DMTF1: variants seen among roughly 807,000 people sequenced by gnomAD.
DMTF1 encodes cyclin-D-binding Myb-like transcription factor 1.
Under a neutral mutation model 91.1 loss-of-function variants are expected in DMTF1, and 39 were observed. The ratio of observed to expected loss-of-function variants is 0.43; its 90% CI spans 0.33 to 0.56. DMTF1 has a LOEUF of 0.56. DMTF1 is among the 20% of genes least tolerant of loss of function. The pLI is 0.05. For synonymous variants in DMTF1, 338 were observed against 309.5 expected (o/e 1.09, Z -0.97); for missense variants, 750 against 914.5 (o/e 0.82, Z 2.32).
intron 1 of DMTF1, among the ~76,000 whole-genome samples, chr7:87,159,461 GT>G (rs1204301512): frequency 6.6e-6 from 1 of 152,018 alleles, no homozygotes; most frequent in Non-Finnish European, 1.5e-5. Flanking sequence ...ATCGTCCATG[GT>G]TTTCCTAACT....
At chr7:87,180,960 A>G (rs1282669630) in intron 8 of DMTF1, among the ~76,000 whole-genome samples, 4 of 146,026 alleles carry the variant, frequency 2.7e-5, no homozygotes, top group Non-Finnish European at 4.4e-5. Flanking sequence ...AGTTCAAGCT[A>G]TTCTCCTGCC....
chr7:87,191,382 G>T (rs1246198890), intron 14 of DMTF1, among the ~76,000 whole-genome samples: 1 of 152,088 alleles, frequency 6.6e-6, no homozygotes. Context: ...AGCCACTGGG[G>T]ATACAAAATG....
At chr7:87,167,715 T>C in intron 4 of DMTF1, among the ~76,000 whole-genome samples, 2 of 152,232 alleles carry the variant, frequency 1.3e-5, no homozygotes, top group East Asian at 3.8e-4. Flanking sequence ...AGTTGTGGCA[T>C]AGACAAGCAT....
Position 87,195,236 on chromosome 7 carries a change from T to G in DMTF1, c.*96T>G. 2 of 837,498 alleles carry G rather than the reference T, an allele frequency of 2.4e-6. No individual in the cohort carries two copies. The highest frequency in any genetic ancestry group is 3.8e-6 in the Non-Finnish European group (2 of 525,534). 51.9% of individuals were successfully genotyped at this position (837,498 alleles called of 1,614,324 possible). ...GGAGCAACCCCCAAGAGGCTTAATT[T>G]ACCAATTTAAATAGCCACAGTCCTT... On this transcript the variant is annotated 3_prime_UTR_variant, in exon 18 of 18. Coordinates refer to ENST00000331242, the MANE Select transcript of DMTF1 (RefSeq NM_001142327.2).
intron 9 of DMTF1, 143 bp downstream of exon 9, chr7:87,181,484 A>G (rs2129146120): frequency 2.1e-6 from 1 of 470,006 alleles, no homozygotes; most frequent in South Asian, 2.7e-5. Flanking sequence ...TAAAAAGATC[A>G]CATCAAATCC....
intron 1 of DMTF1, chr7:87,162,810 T>C (rs1219848825): frequency 1.1e-5 from 1 of 89,520 alleles, no homozygotes; most frequent in African/African-American, 4.2e-5. Context: ...CCTCAAATCA[T>C]GTGCTTTTTT....
intron 5 of DMTF1, among the ~76,000 whole-genome samples, chr7:87,171,415 C>T (rs533474484): frequency 1.3e-5 from 2 of 152,226 alleles, no homozygotes; most frequent in South Asian, 4.1e-4. Flanking sequence ...TGAAAGTCAG[C>T]ATAGTTAAAA....
intron 9 of DMTF1, 87 bp from the exon 10 acceptor site, chr7:87,182,141 G>A: frequency 6.3e-7 from 1 of 1,586,972 alleles, no homozygotes; most frequent in Non-Finnish European, 8.6e-7. Context: ...CCAGTCAAAT[G>A]GGAAGAAGAA....
rs1194973474 is a variant in DMTF1, at chr7:87,184,988, T to C, written c.1049+363T>C. Reference sequence around the variant, plus strand: ...GAACACGTTTAGGATAAGAGGGCTGTTCAGTCTCCATGCCCTTCAATCCTT... The same window carrying C: ...GAACACGTTTAGGATAAGAGGGCTGCTCAGTCTCCATGCCCTTCAATCCTT... On this transcript the variant is annotated intron_variant, in intron 11 of 17. Coordinates refer to ENST00000331242, the MANE Select transcript of DMTF1 (RefSeq NM_001142327.2). 9 of 438,206 alleles carry C rather than the reference T, an allele frequency of 2.1e-5. No homozygotes were observed. The East Asian group carries it at 5.5e-4, about 27-fold the overall frequency. The allele number at this position is 438,206 out of a possible 1,614,324, so 27.1% of individuals were successfully genotyped here.
intron 1 of DMTF1, among the ~76,000 whole-genome samples, chr7:87,156,175 T>C (rs1790661335): frequency 6.6e-6 from 1 of 152,168 alleles, no homozygotes; most frequent in Non-Finnish European, 1.5e-5. Flanking sequence ...CATTGTAAGC[T>C]CCTGAACCAT....
intron 17 of DMTF1, 58 bp downstream of exon 17, chr7:87,194,886 CATTT>C (rs533409422): frequency 3.1e-5 from 47 of 1,530,944 alleles, no homozygotes; most frequent in Non-Finnish European, 3.9e-5. Flanking sequence ...AAAAAACAGA[CATTT>C]AATTAACTTG....
At chr7:87,165,853 T>C (rs539303690) in intron 3 of DMTF1, among the ~76,000 whole-genome samples, 7 of 152,366 alleles carry the variant, frequency 4.6e-5, no homozygotes, top group Non-Finnish European at 8.8e-5. Flanking sequence ...CTTGATAGTA[T>C]TATGTTTTTT....
intron 1 of DMTF1, among the ~76,000 whole-genome samples, chr7:87,156,974 G>A (rs1431727185): frequency 6.6e-6 from 1 of 152,132 alleles, no homozygotes; most frequent in Admixed American, 6.5e-5. Context: ...ACTGGAAAAT[G>A]CTCCTGATAC....
At chr7:87,188,588 A>T (rs559463147) in intron 13 of DMTF1, among the ~76,000 whole-genome samples, 1 of 152,334 alleles carries the variant, frequency 6.6e-6, no homozygotes, top group East Asian at 1.9e-4. Context: ...AATAGAAATT[A>T]GAATGAATGA....
At position 87,193,334 on chromosome 7, in the gene DMTF1, T is replaced by A; in HGVS notation, c.1631T>A (p.Ile544Asn). ...GCTGCTCCTGCTTCTCCTGAACAGATTATTGTTCATGCTTTATCCGTATGT... is the reference window on the plus strand; with the variant it reads ...GCTGCTCCTGCTTCTCCTGAACAGAATATTGTTCATGCTTTATCCGTATGT... ...TAAAPASPEQ[I>N]IVHALSPEHL... Residue 544 changes from isoleucine to asparagine, a missense_variant, in exon 15 of 18, where the codon ATT becomes AAT. Ile to Asn is a moderately radical substitution (Grantham distance 149, BLOSUM62 -3). Around this residue, in one of 3 missense-constraint regions of DMTF1, gnomAD observed 410 missense variants for 420.2 expected, o/e 0.98. Coordinates refer to ENST00000331242, the MANE Select transcript of DMTF1 (RefSeq NM_001142327.2). 6.2e-7 allele frequency: 1 copy of A among 1,613,296 alleles called. No individual in the cohort carries two copies. The highest frequency in any genetic ancestry group is 8.5e-7 in the Non-Finnish European group (1 of 1,179,492).
At chr7:87,166,243 TC>T (rs1389346687) in intron 3 of DMTF1, among the ~76,000 whole-genome samples, 1 of 152,210 alleles carries the variant, frequency 6.6e-6, no homozygotes, top group Admixed American at 6.5e-5. Flanking sequence ...ATAGCAGTTT[TC>T]CCCGGGCTTC....
intron 1 of DMTF1, among the ~76,000 whole-genome samples, chr7:87,153,869 T>C (rs556806739): frequency 6.6e-6 from 1 of 152,370 alleles, no homozygotes; most frequent in East Asian, 1.9e-4. Context: ...ATGTTGAAAG[T>C]ATTGCAAAAT....
intron 7 of DMTF1, among the ~76,000 whole-genome samples, chr7:87,177,260 A>G (rs1190488304): frequency 1.3e-5 from 2 of 152,162 alleles, no homozygotes; most frequent in East Asian, 1.9e-4. Flanking sequence ...CAAATGTGCA[A>G]GTTACCCATT....
chr7:87,171,973 AAC>A (rs1795170389), intron 5 of DMTF1, among the ~76,000 whole-genome samples: 1 of 152,224 alleles, frequency 6.6e-6, no homozygotes, highest in Non-Finnish European at 1.5e-5. Flanking sequence ...TAATCAGCAT[AAC>A]AGACTTATTC....
Sources: allele counts gnomAD v4.1 joint callset (sites outside exome capture counted in the v4.1 genomes callset), GRCh38; gene constraint gnomAD v4.1.1; regional missense constraint gnomAD v4.1.1; transcripts MANE v1.5; gene names NCBI Gene and HGNC (gene_info 2026-07-23, HGNC 2026-07-21).